The following TNXB variants were observed in gnomAD, a reference collection of about 807,000 sequenced individuals.
TNXB encodes the protein tenascin-X.
Under a neutral mutation model 340.5 loss-of-function variants are expected in TNXB, and 183 were observed. The observed-to-expected ratio is 0.54, with a 90% CI of 0.48 to 0.61. The LOEUF is 0.61. Ranked by LOEUF, TNXB falls within the 20% of genes least tolerant of loss-of-function variation. The pLI is 0.00. For missense variants in TNXB, 4,613 were observed against 5,446.4 expected (o/e 0.85, Z 4.82); for synonymous variants, 2,121 against 2,314.5 (o/e 0.92, Z 2.40).
chr6:32,055,360 G>C (rs1777561912), intron 24 of TNXB, among the ~76,000 whole-genome samples: 1 of 152,170 alleles, frequency 6.6e-6, no homozygotes, highest in Non-Finnish European at 1.5e-5. Context: ...TAAAATTACA[G>C]TGTCCGGATC....
chr6:32,049,993 C>T lies in TNXB; in HGVS notation c.9439+5G>A, dbSNP rs1244341195. ...CCCACCCTGGGGCTCCCATCATTCACTCACCCGTCACCCCAATGGCAGACA... is the reference window on the plus strand; with the variant it reads ...CCCACCCTGGGGCTCCCATCATTCATTCACCCGTCACCCCAATGGCAGACA... On this transcript the variant is annotated splice_donor_5th_base_variant and intron_variant, in intron 27 of 43. Transcript: ENST00000644971. This position sits in a 1 kb window ranked among gnomAD's most constrained non-coding sequence, Gnocchi z 4.5. 8.1e-6 allele frequency: 13 copies of T among 1,613,046 alleles called. No individual in the cohort carries two copies. The highest frequency in any genetic ancestry group is 1.0e-5 in the Non-Finnish European group (12 of 1,179,196).
rs1455864332 is a variant in TNXB, at chr6:32,058,102, T to C, written c.7781A>G (p.His2594Arg). 6.2e-7 allele frequency: 1 copy of C among 1,611,920 alleles called. No homozygotes were observed. The highest frequency in any genetic ancestry group is 8.5e-7 in the Non-Finnish European group (1 of 1,179,302). The stretch of plus-strand genomic sequence containing the variant: ...CACCGGGCCCAGGCGCCGCCCCTCG[T>C]GGAGGCCGTACAGGTGCATCTTGTA... ...RKYKMHLYGL[H>R]EGRRLGPVSA... The change falls in exon 22 of 44, where the codon CAC (histidine) becomes CGC (arginine). Residue 2594 changes from histidine (H) to arginine (R), a missense_variant. Transcript: ENST00000644971. This position sits in a 1 kb window ranked among gnomAD's most constrained non-coding sequence, Gnocchi z 5.1.
Position 32,047,097 on chromosome 6 carries a change from T to C in TNXB, c.10324+637A>G, listed in dbSNP as rs962966573. Among the ~76,000 whole-genome samples the C allele has an allele frequency of 4.6e-5, 7 of 152,176 alleles. No individual in the cohort carries two copies. Among genetic ancestry groups the C allele is most frequent in the Non-Finnish European group, 1.0e-4 (7 of 67,998 alleles). On this transcript the variant is annotated intron_variant, in intron 30 of 43. Transcript: ENST00000644971. The surrounding 1 kb of genome is among the most constrained non-coding windows in gnomAD (Gnocchi z 6.2). ...CTTGCCCGGGTGGGGCTGGGGCCGA[T>C]GGGTGGGGATCTGTACCCCGTCCCC... is the stretch of plus-strand genomic sequence containing the variant.
rs1319912301 is a variant in TNXB at position 32,090,485 on chromosome 6, G to T, written c.2359-1106C>A. ...GCTGTGCTGTCCAGCTAGGACAGCC[G>T]CTAAGGATGCTGTGTTCTGCCTAGC... On this transcript the variant is annotated intron_variant, in intron 4 of 43. Coordinates refer to ENST00000644971, the MANE Select transcript of TNXB (RefSeq NM_001365276.2). This position sits in a 1 kb window ranked among gnomAD's most constrained non-coding sequence, Gnocchi z 4.3. 1.3e-5 allele frequency among the ~76,000 whole-genome samples: 2 copies of T among 152,186 alleles called. No homozygotes were observed. Among genetic ancestry groups the T allele is most frequent in the Non-Finnish European group, 2.9e-5 (2 of 68,028 alleles).
intron 23 of TNXB, 104 bp from the exon 24 acceptor site, chr6:32,056,278 C>A: frequency 7.2e-7 from 1 of 1,387,004 alleles, no homozygotes; most frequent in Non-Finnish European, 9.7e-7. Context: ...TATGTGAGGT[C>A]ATTTCAGAAA....
Position 32,058,028 on chromosome 6 carries a change from T to TTGCCCCC in TNXB, c.7825+29_7825+30insGGGGGCA. 1 of 1,577,138 alleles carries TTGCCCCC rather than the reference T, an allele frequency of 6.3e-7. No homozygotes were observed. Among genetic ancestry groups the TTGCCCCC allele is most frequent in the Non-Finnish European group, 8.6e-7 (1 of 1,162,952 alleles). Reference sequence around the variant, plus strand: ...AAGGGCACATTTTCTAGGGCTGTCTTCCAACCCTGCCCCACCCACACTCAC... The same window carrying TTGCCCCC: ...AAGGGCACATTTTCTAGGGCTGTCTTTGCCCCCCCAACCCTGCCCCACCCACACTCAC... On this transcript the variant is annotated intron_variant, in intron 22 of 43. Transcript: ENST00000644971. This position sits in a 1 kb window ranked among gnomAD's most constrained non-coding sequence, Gnocchi z 5.1.
chr6:32,076,362 T>C (rs1176919604), intron 11 of TNXB, among the ~76,000 whole-genome samples: 1 of 152,218 alleles, frequency 6.6e-6, no homozygotes, highest in Non-Finnish European at 1.5e-5. Context: ...CTGTGTGTGC[T>C]GCCAGACACA....
Position 32,097,901 on chromosome 6 carries a change from C to T in TNXB, c.298G>A (p.Val100Ile). The change falls in exon 2 of 44, where the codon GTA becomes ATA. Residue 100 changes from valine to isoleucine, a missense_variant. Val to Ile is a conservative substitution (Grantham distance 29). Around this residue, in one of 7 missense-constraint regions of TNXB, gnomAD observed 4,327 missense variants for 4,859.4 expected, o/e 0.89. Coordinates refer to ENST00000644971, the MANE Select transcript of TNXB (RefSeq NM_001365276.2). The surrounding 1 kb of genome is among the most constrained non-coding windows in gnomAD (Gnocchi z 5.9). Reference protein sequence around the residue: ...GTEPPVLASEVQALRVRLEIL... With the variant: ...GTEPPVLASEIQALRVRLEIL... ...TCTAGACGGACCCTCAGGGCCTGTA[C>T]CTCTGAAGCAAGGACTGGGGGCTCG... 1.3e-6 allele frequency: 2 copies of T among 1,585,566 alleles called. No individual in the cohort carries two copies. The highest frequency in any genetic ancestry group is 1.3e-5 in the African/African-American group (1 of 74,696).
In TNXB at chr6:32,089,382, G is replaced by A; in HGVS notation, c.2359-3C>T. The A allele has an allele frequency of 6.2e-7, 1 of 1,603,446 alleles. No homozygotes were observed. The highest frequency in any genetic ancestry group is 8.5e-7 in the Non-Finnish European group (1 of 1,176,516). ...AATGGGGGGCTCGCCCCCTCTGTCT[G>A]TGAGAGAGAGCACCAGGTGGCTCAG... On this transcript the variant is annotated splice_polypyrimidine_tract_variant and splice_region_variant and intron_variant, in intron 4 of 43. Transcript: ENST00000644971. The surrounding 1 kb of genome is among the most constrained non-coding windows in gnomAD (Gnocchi z 6.2).
intron 4 of TNXB, among the ~76,000 whole-genome samples, chr6:32,094,762 T>G (rs1780237463): frequency 6.6e-6 from 1 of 152,112 alleles, no homozygotes; most frequent in African/African-American, 2.4e-5. Flanking sequence ...GGACAGGTGC[T>G]AGAATAGGGG....
rs1778075934 is a variant in TNXB, at chr6:32,062,324, A to G, written c.7001T>C (p.Leu2334Pro). 6.2e-7 allele frequency: 1 copy of G among 1,613,402 alleles called. No individual in the cohort carries two copies. The highest frequency in any genetic ancestry group is 1.7e-5 in the Admixed American group (1 of 60,000). The change falls in exon 20 of 44, where the codon CTG becomes CCG. Residue 2334 changes from leucine (L) to proline (P), a missense_variant. This residue lies in a region of TNXB where 4,327 missense variants were observed against 4,859.4 expected (regional missense o/e 0.89). Transcript: ENST00000644971. The surrounding 1 kb of genome is among the most constrained non-coding windows in gnomAD (Gnocchi z 4.3). Reference sequence around the variant, plus strand: ...CCCATCCCCATTCTTGTACTGGACCAGGAAGTGGTCAAACTGTCCCTCGGG... The same window carrying G: ...CCCATCCCCATTCTTGTACTGGACCGGGAAGTGGTCAAACTGTCCCTCGGG... ...TVPEGQFDHF[L>P]VQYKNGDGQP...
rs758019278 is a variant in TNXB, at chr6:32,046,448, C to A, written c.10333G>T (p.Glu3445Ter). 1 of 1,572,998 alleles carries A rather than the reference C, an allele frequency of 6.4e-7. No individual in the cohort carries two copies. The change falls in exon 31 of 44, where the codon GAG (glutamate) becomes TAG (stop). Residue 3445 changes from glutamate (E) to a stop codon, truncating the protein, a stop_gained. Transcript: ENST00000644971. LOFTEE classifies it high-confidence loss of function. The surrounding 1 kb of genome is among the most constrained non-coding windows in gnomAD (Gnocchi z 6.9). ...ISADSTTAPL[E>*]KELPPHLGEL... ...CCCAGGTGGGGAGGTAGCTCCTTCT[C>A]CAGGGGAGCTGTGCAGAGGGAGGAG...
rs1158205342 is a variant in TNXB, at chr6:32,081,341, G to A, written c.4042+27C>T. ...CGCTCACAGGATGGGGCTAGCAGGGGAGGGAGGCCTGGCAGCCATGACTCA... is the reference window on the plus strand; with the variant it reads ...CGCTCACAGGATGGGGCTAGCAGGGAAGGGAGGCCTGGCAGCCATGACTCA... On this transcript the variant is annotated intron_variant, in intron 10 of 43. Coordinates refer to ENST00000644971, the MANE Select transcript of TNXB (RefSeq NM_001365276.2). This position sits in a 1 kb window ranked among gnomAD's most constrained non-coding sequence, Gnocchi z 5.1. 3 of 1,518,604 alleles carry A rather than the reference G, an allele frequency of 2.0e-6. No individual in the cohort carries two copies. Among genetic ancestry groups the A allele is most frequent in the East Asian group, 5.0e-5 (2 of 40,280 alleles). The allele number at this position is 1,518,604 out of a possible 1,614,324, so 94.1% of individuals were successfully genotyped here.
In TNXB at chr6:32,096,845, G is replaced by T. The variant is rs754128472; in HGVS notation, c.1008C>A (p.Asp336Glu). Residue 336 changes from aspartate (D) to glutamate (E), a missense_variant, in exon 3 of 44, where the codon GAC becomes GAA. Asp to Glu is a conservative substitution (Grantham distance 45). Transcript: ENST00000644971. ...CVCDPGYTGE[D>E]CGTRSCPWDC... ...CCCAGGGGCAGCTCCGCGTACCACA[G>T]TCCTCGCCAGTGTAGCCGGGGTCAC... is the stretch of plus-strand genomic sequence containing the variant. 3.1e-6 allele frequency: 5 copies of T among 1,605,674 alleles called. No homozygotes were observed. The highest frequency in any genetic ancestry group is 4.2e-6 in the Non-Finnish European group (5 of 1,176,794).
Position 32,087,791 on chromosome 6 carries a change from T to C in TNXB, c.2779+994A>G. On this transcript the variant is annotated intron_variant, in intron 6 of 43. Transcript: ENST00000644971. The surrounding 1 kb of genome is among the most constrained non-coding windows in gnomAD (Gnocchi z 9.0). ...TCCTGCACCGTGCCGCGGAAACGGC[T>C]CAGCTCGGCCGTCAGGTTGCCCCAA... 2.0e-6 allele frequency: 1 copy of C among 510,938 alleles called. No individual in the cohort carries two copies. Among genetic ancestry groups the C allele is most frequent in the Non-Finnish European group, 3.9e-6 (1 of 257,316 alleles). The allele number at this position is 510,938 out of a possible 1,614,324, so 31.7% of individuals were successfully genotyped here.
intron 26 of TNXB, among the ~76,000 whole-genome samples, chr6:32,050,962 C>A (rs146544502): frequency 5.4e-4 from 82 of 152,324 alleles, no homozygotes; most frequent in Middle Eastern, 3.4e-3. Context: ...TCAGCACAGA[C>A]CTGGGCAATC....
Position 32,097,784 on chromosome 6 carries a change from T to A in TNXB, c.403+12A>T. On this transcript the variant is annotated intron_variant, in intron 2 of 43. Transcript: ENST00000644971. The surrounding 1 kb of genome is among the most constrained non-coding windows in gnomAD (Gnocchi z 5.9). Reference sequence around the variant, plus strand: ...CCCACCTCTCCACCCTCTTCTGTGATCACCTGCTCACCTGTGCCAGCTTGG... The same window carrying A: ...CCCACCTCTCCACCCTCTTCTGTGAACACCTGCTCACCTGTGCCAGCTTGG... 6.7e-7 allele frequency: 1 copy of A among 1,498,058 alleles called. No individual in the cohort carries two copies. Among genetic ancestry groups the A allele is most frequent in the Non-Finnish European group, 8.9e-7 (1 of 1,123,022 alleles). 92.8% of individuals were successfully genotyped at this position (1,498,058 alleles called of 1,614,324 possible). A position where few individuals can be genotyped will look rare whatever the true frequency, so the allele number is the denominator to read the frequency against.
At chr6:32,071,921 G>T in intron 13 of TNXB, 69 bp downstream of exon 13, 1 of 1,360,366 alleles carries the variant, frequency 7.4e-7, no homozygotes, top group Non-Finnish European at 1.0e-6. Flanking sequence ...GGAAGACTCA[G>T]CAGAGGGAGT....
At position 32,044,620 on chromosome 6, in the gene TNXB, C is replaced by G; in HGVS notation, c.11024G>C (p.Trp3675Ser). 1 of 436,588 alleles carries G rather than the reference C, an allele frequency of 2.3e-6. No individual in the cohort carries two copies. The highest frequency in any genetic ancestry group is 6.7e-5 in the African/African-American group (1 of 14,846). 27.0% of individuals were successfully genotyped at this position (436,588 alleles called of 1,614,324 possible). Residue 3675 changes from tryptophan to serine, a missense_variant, in exon 33 of 44, where the codon TGG (tryptophan) becomes TCG (serine). Trp to Ser is a radical substitution (Grantham distance 177, BLOSUM62 -3). This residue lies in a region of TNXB where 14 missense variants were observed against 56.1 expected (regional missense o/e 0.25). Transcript: ENST00000644971. ...GTCGAAGGCCCCCGGTGGGGCCTCC[C>G]AGTTGAGCCTCAGTGAACTGGTGGT... ...DVTTSSLRLN[W>S]EAPPGAFDSF...
Sources: gnomAD v4.1 joint callset for allele counts (sites outside exome capture counted in the v4.1 genomes callset) on GRCh38, gnomAD v4.1.1 for gene constraint, gnomAD v4.1.1 regional missense constraint, Gnocchi (gnomAD v3.1) non-coding constraint, MANE v1.5 for transcripts, NCBI Gene and HGNC (gene_info 2026-07-23, HGNC 2026-07-21) for gene names.